WRN: variants seen among roughly 807,000 people sequenced by gnomAD.
WRN encodes bifunctional 3'-5' exonuclease/ATP-dependent helicase WRN.
A neutral mutation model predicts 180.7 loss-of-function variants in WRN; 149 were observed. The ratio of observed to expected loss-of-function variants is 0.82; its 90% CI spans 0.72 to 0.94. The LOEUF (loss-of-function observed/expected upper bound fraction) is 0.94. Among genes scored for constraint, WRN ranks in the 40% least tolerant of loss-of-function variants. WRN has a pLI of 0.00. For missense variants in WRN, 1,661 were observed against 1,700.1 expected, an observed-to-expected ratio of 0.98 and a Z score of 0.40; for synonymous variants, 548 against 568.9, an observed-to-expected ratio of 0.96 and a Z score of 0.52.
intron 17 of WRN, among the ~76,000 whole-genome samples, chr8:31,099,571 T>G (rs940237554): frequency 1.3e-5 from 2 of 148,994 alleles, no homozygotes; most frequent in Non-Finnish European, 3.0e-5. Context: ...GTTTGTTTGT[T>G]TTTTTTTTTT....
intron 27 of WRN, among the ~76,000 whole-genome samples, chr8:31,143,109 T>C (rs1802724678): frequency 1.3e-5 from 2 of 151,784 alleles, no homozygotes; most frequent in Admixed American, 1.3e-4. Flanking sequence ...TTATGTACTT[T>C]CTTGCTTTTT....
intron 6 of WRN, among the ~76,000 whole-genome samples, 162 bp downstream of exon 6, chr8:31,067,344 C>A (rs569128549): frequency 6.6e-6 from 1 of 152,232 alleles, no homozygotes; most frequent in Non-Finnish European, 1.5e-5. Context: ...TGAAACTATT[C>A]ATTTTCGATA....
chr8:31,159,236 G>A (rs1401029614), intron 33 of WRN, among the ~76,000 whole-genome samples: 2 of 151,912 alleles, frequency 1.3e-5, no homozygotes, highest in Non-Finnish European at 2.9e-5. Context: ...GGAGTTTGGG[G>A]TTATAATAAG....
At chr8:31,162,052 T>G (rs1585543094) in intron 33 of WRN, among the ~76,000 whole-genome samples, 1 of 152,194 alleles carries the variant, frequency 6.6e-6, no homozygotes, top group Admixed American at 6.5e-5. Context: ...CTGTATAACG[T>G]ACCTGCATAT....
intron 17 of WRN, among the ~76,000 whole-genome samples, chr8:31,098,314 C>T (rs1189009474): frequency 6.6e-6 from 1 of 152,022 alleles, no homozygotes; most frequent in African/African-American, 2.4e-5. Flanking sequence ...GGTCTATGTC[C>T]ATAGTGGTTT....
intron 23 of WRN, among the ~76,000 whole-genome samples, chr8:31,125,219 T>C (rs371966350): frequency 6.6e-6 from 1 of 151,798 alleles, no homozygotes. Flanking sequence ...TCAATAGTTA[T>C]GTTAAATGTA....
At chr8:31,052,548 C>A (rs1042349698) in intron 1 of WRN, among the ~76,000 whole-genome samples, 2 of 151,998 alleles carry the variant, frequency 1.3e-5, no homozygotes, top group Non-Finnish European at 1.5e-5. Flanking sequence ...CCACCATGTC[C>A]AGCTAATTTT....
At chr8:31,163,870 T>A (rs201600919) in intron 33 of WRN, among the ~76,000 whole-genome samples, 1 of 138,260 alleles carries the variant, frequency 7.2e-6, no homozygotes, top group Non-Finnish European at 1.6e-5. Context: ...TTTTTTTTTT[T>A]GAGACAAGGT....
intron 32 of WRN, among the ~76,000 whole-genome samples, chr8:31,155,622 CAAAAA>C (rs748568497): frequency 7.1e-5 from 7 of 98,348 alleles, no homozygotes; most frequent in African/African-American, 1.1e-4. Flanking sequence ...ACTCGGTCTC[CAAAAA>C]AAAAAAAAAA....
intron 24 of WRN, among the ~76,000 whole-genome samples, chr8:31,134,002 T>G (rs1277395635): frequency 6.6e-6 from 1 of 152,212 alleles, no homozygotes; most frequent in South Asian, 2.1e-4. Flanking sequence ...CCACTTACAC[T>G]GACAGTCTCT....
intron 23 of WRN, among the ~76,000 whole-genome samples, chr8:31,125,638 C>T (rs903101000): frequency 4.2e-5 from 6 of 142,718 alleles, no homozygotes; most frequent in South Asian, 2.2e-4. Flanking sequence ...AATTAGCTCA[C>T]GAAATTGTGG....
At chr8:31,091,726 C>A in intron 15 of WRN, 104 bp from the exon 16 acceptor site, 1 of 1,162,502 alleles carries the variant, frequency 8.6e-7, no homozygotes, top group Non-Finnish European at 1.3e-6. Flanking sequence ...TTGCAAAGAA[C>A]AGGAATATAA....
intron 19 of WRN, among the ~76,000 whole-genome samples, chr8:31,113,962 A>G (rs1160950064): frequency 1.3e-5 from 2 of 151,678 alleles, no homozygotes; most frequent in Admixed American, 6.6e-5. Flanking sequence ...GTAACATTCA[A>G]CAGTATTGAA....
At chr8:31,050,259 T>C (rs1005880102) in intron 1 of WRN, among the ~76,000 whole-genome samples, 10 of 152,152 alleles carry the variant, frequency 6.6e-5, no homozygotes, top group African/African-American at 2.4e-4. Flanking sequence ...AGCTGTGTTA[T>C]AGGCCAATAA....
rs1222054927 is a variant in WRN, at chr8:31,175,600, T to C, written c.*2498T>C. On this transcript the variant is annotated 3_prime_UTR_variant, in exon 35 of 35. Coordinates refer to ENST00000298139, the MANE Select transcript of WRN (RefSeq NM_000553.6). ...TAAGAAACTATTACTTGTCCACTTT[T>C]TGGTAAAATTTCAGAGAACAATGTC... Among the ~76,000 whole-genome samples the C allele has an allele frequency of 1.3e-5, 2 of 152,236 alleles. No individual in the cohort carries two copies. The highest frequency in any genetic ancestry group is 3.8e-4 in the East Asian group (2 of 5,202).
chr8:31,083,925 A>G (rs1813420910), intron 10 of WRN, 146 bp downstream of exon 10: 2 of 914,854 alleles, frequency 2.2e-6, no homozygotes, highest in African/African-American at 1.7e-5. Flanking sequence ...TTTCCAATTC[A>G]TGTTTCTTTC....
rs1260230022 is a variant in WRN, at chr8:31,073,288, G to A, written c.725-2885G>A. ...CGGGTAGCAATAGAGGTGATGAGAA[G>A]TCGTAGCTTCTGTAGGTATTTGGAA... is the stretch of plus-strand genomic sequence containing the variant. On this transcript the variant is annotated intron_variant, in intron 7 of 34. Transcript: ENST00000298139. Among the ~76,000 whole-genome samples the A allele has an allele frequency of 7.2e-5, 11 of 152,332 alleles. No homozygotes were observed. The South Asian group carries it at 2.3e-3, about 32-fold the overall frequency.
At chr8:31,168,887 G>A (rs544229116) in intron 34 of WRN, among the ~76,000 whole-genome samples, 26 of 152,238 alleles carry the variant, frequency 1.7e-4, no homozygotes, top group African/African-American at 6.3e-4. Flanking sequence ...TTATTAAGAT[G>A]GAAGCTCAAT....
In WRN at chr8:31,064,380, C is replaced by T; in HGVS notation, c.301C>T (p.Gln101Ter). ...RGKLGKVALIQLCVSESKCYL... is the reference protein window; with the variant it reads ...RGKLGKVALI The stretch of plus-strand genomic sequence containing the variant: ...GAAACTTGGCAAAGTTGCACTAATT[C>T]AGTTGTGTGTTTCTGAGAGCAAATG... The change falls in exon 4 of 35, where the codon CAG becomes TAG. Residue 101 changes from glutamine (Q) to a stop codon, truncating the protein, a stop_gained. Transcript: ENST00000298139. LOFTEE classifies it high-confidence loss of function. 6.2e-7 allele frequency: 1 copy of T among 1,614,092 alleles called. No homozygotes were observed. Among genetic ancestry groups the T allele is most frequent in the Non-Finnish European group, 8.5e-7 (1 of 1,180,008 alleles).
Sources: allele counts gnomAD v4.1 joint callset (sites outside exome capture counted in the v4.1 genomes callset), GRCh38; gene constraint gnomAD v4.1.1; transcripts MANE v1.5; gene names NCBI Gene and HGNC (gene_info 2026-07-23, HGNC 2026-07-21).